Variants in ADRA1D observed in about 807,000 individuals in gnomAD.
The protein encoded by ADRA1D is adrenoceptor alpha 1D.
ADRA1D carries 22 observed loss-of-function variants against 18.6 expected under a neutral mutation model. The observed-to-expected ratio is 1.19, with a 90% CI of 0.85 to 1.69. The LOEUF (loss-of-function observed/expected upper bound fraction) is 1.69, where lower values mean the gene tolerates loss of function less well. Ranked by LOEUF, ADRA1D falls within the 40% of genes most tolerant of loss-of-function variation. The pLI is 0.00. For synonymous variants in ADRA1D, 376 were observed against 388.2 expected, an observed-to-expected ratio of 0.97 and a Z score of 0.37; for missense variants, 840 against 840.7, an observed-to-expected ratio of 1.00 and a Z score of 0.01.
Position 4,244,987 on chromosome 20 carries a change from C to T in ADRA1D, c.1111+2860G>A, listed in dbSNP as rs149809217. ...AGGATTTAGGGCCTCCTCCACCCCCCAATTCCCTACACCACATGTGAGGCG... is the reference window on the plus strand; with the variant it reads ...AGGATTTAGGGCCTCCTCCACCCCCTAATTCCCTACACCACATGTGAGGCG... On this transcript the variant is annotated intron_variant, in intron 1 of 1. Transcript: ENST00000379453. Among the ~76,000 whole-genome samples the T allele has an allele frequency of 6.6e-5, 10 of 152,244 alleles. No individual in the cohort carries two copies. The East Asian group carries it at 1.7e-3, about 27-fold the overall frequency.
At chr20:4,236,078 A>G (rs909284086) in intron 1 of ADRA1D, among the ~76,000 whole-genome samples, 5 of 152,170 alleles carry the variant, frequency 3.3e-5, no homozygotes, top group African/African-American at 9.7e-5. Context: ...AGCTGAAAAC[A>G]TGGCTTCCAA....
intron 1 of ADRA1D, among the ~76,000 whole-genome samples, chr20:4,232,437 T>C (rs927585135): frequency 2.0e-5 from 3 of 152,204 alleles, no homozygotes; most frequent in African/African-American, 7.2e-5. Flanking sequence ...GTGTGGCATT[T>C]GCTGGCCTGT....
At chr20:4,223,562 GTGA>G (rs1017314479) in intron 1 of ADRA1D, among the ~76,000 whole-genome samples, 4 of 152,174 alleles carry the variant, frequency 2.6e-5, no homozygotes, top group Admixed American at 1.3e-4. Flanking sequence ...TGCAGGTGGG[GTGA>G]TGATGGTGGT....
chr20:4,242,732 G>A (rs1162285802), intron 1 of ADRA1D, among the ~76,000 whole-genome samples: 1 of 152,132 alleles, frequency 6.6e-6, no homozygotes, highest in Non-Finnish European at 1.5e-5. Flanking sequence ...TCTCCGGGCT[G>A]CTTTGAGTGG....
At chr20:4,228,415 G>A (rs1450110817) in intron 1 of ADRA1D, among the ~76,000 whole-genome samples, 1 of 140,374 alleles carries the variant, frequency 7.1e-6, no homozygotes, top group African/African-American at 2.7e-5. Flanking sequence ...CATTAAGGAG[G>A]TAGTGCAAAG....
intron 1 of ADRA1D, among the ~76,000 whole-genome samples, chr20:4,223,953 G>A (rs1163938926): frequency 6.6e-6 from 1 of 152,198 alleles, no homozygotes; most frequent in African/African-American, 2.4e-5. Flanking sequence ...AGCTGTGTGT[G>A]CATGTAGGGT....
chr20:4,249,072 C>T lies in ADRA1D; in HGVS notation c.-115G>A. On this transcript the variant is annotated 5_prime_UTR_variant, in exon 1 of 2. Transcript: ENST00000379453. Reference sequence around the variant, plus strand: ...ATGCAGCTCCGCGCACGGGTCCCGTCGGGGTCCTGCCCAAGTTCCTGTGAC... The same window carrying T: ...ATGCAGCTCCGCGCACGGGTCCCGTTGGGGTCCTGCCCAAGTTCCTGTGAC... 6 of 838,664 alleles carry T rather than the reference C, an allele frequency of 7.2e-6. No individual in the cohort carries two copies. Among genetic ancestry groups the T allele is most frequent in the East Asian group, 1.6e-4 (2 of 12,448 alleles). 52.0% of individuals were successfully genotyped at this position (838,664 alleles called of 1,614,324 possible). A position where few individuals can be genotyped will look rare whatever the true frequency, so the allele number is the denominator to read the frequency against.
At chr20:4,230,457 C>T (rs557036418) in intron 1 of ADRA1D, among the ~76,000 whole-genome samples, 1 of 152,330 alleles carries the variant, frequency 6.6e-6, no homozygotes, top group East Asian at 1.9e-4. Flanking sequence ...TTAGCAGGTC[C>T]CCTGCACTTC....
chr20:4,238,533 G>A (rs980391829), intron 1 of ADRA1D, among the ~76,000 whole-genome samples: 1 of 152,068 alleles, frequency 6.6e-6, no homozygotes, highest in Non-Finnish European at 1.5e-5. Flanking sequence ...CCTTAGAAAG[G>A]AAAAAGGGTT....
Position 4,222,410 on chromosome 20 carries a change from A to G in ADRA1D, c.1112-280T>C, listed in dbSNP as rs542466001. The G allele has an allele frequency of 5.8e-5, 19 of 328,110 alleles. No individual in the cohort carries two copies. Among genetic ancestry groups the G allele is most frequent in the Non-Finnish European group, 9.3e-5 (17 of 182,866 alleles). 20.3% of individuals were successfully genotyped at this position (328,110 alleles called of 1,614,324 possible). ...AACCACGTGCAATTGCTGTTTTTGT[A>G]GCTCAAAACCGGTGCAATATTGGCA... On this transcript the variant is annotated intron_variant, in intron 1 of 1. Transcript: ENST00000379453. This position sits in a 1 kb window ranked among gnomAD's most constrained non-coding sequence, Gnocchi z 4.3.
chr20:4,231,915 C>A (rs1415567062), intron 1 of ADRA1D, among the ~76,000 whole-genome samples: 7 of 152,078 alleles, frequency 4.6e-5, no homozygotes, highest in Admixed American at 4.6e-4. Context: ...TTTTCTTTTT[C>A]TTTTTTCTTT....
rs1382900550 is a variant in ADRA1D, at chr20:4,221,459, G to T, written c.*64C>A. On this transcript the variant is annotated 3_prime_UTR_variant, in exon 2 of 2. Coordinates refer to ENST00000379453, the MANE Select transcript of ADRA1D (RefSeq NM_000678.4). The stretch of plus-strand genomic sequence containing the variant: ...TTGCACGGGGGCTCTTAGAACACCA[G>T]CCCGCCTCTCTGGTCCCCCTTACCC... The T allele has an allele frequency of 1.6e-5, 24 of 1,514,238 alleles. No individual in the cohort carries two copies. Among genetic ancestry groups the T allele is most frequent in the Non-Finnish European group, 2.1e-5 (24 of 1,122,766 alleles). The allele number at this position is 1,514,238 out of a possible 1,614,324, so 93.8% of individuals were successfully genotyped here.
intron 1 of ADRA1D, among the ~76,000 whole-genome samples, chr20:4,231,373 C>G (rs1008395046): frequency 6.6e-6 from 1 of 151,976 alleles, no homozygotes; most frequent in Admixed American, 6.6e-5. Context: ...CCTGCCTCAG[C>G]CTCCCAAAGT....
rs1296281228 is a variant in ADRA1D, at chr20:4,221,250, G to A, written c.*273C>T. The A allele has an allele frequency of 5.3e-6, 2 of 377,492 alleles. No individual in the cohort carries two copies. Among genetic ancestry groups the A allele is most frequent in the Non-Finnish European group, 9.5e-6 (2 of 211,626 alleles). The allele number at this position is 377,492 out of a possible 1,614,324, so 23.4% of individuals were successfully genotyped here. On this transcript the variant is annotated 3_prime_UTR_variant, in exon 2 of 2. Transcript: ENST00000379453. ...GATGGGGCAGTGTTTCTCAAATAGG[G>A]ATTGGGAGCAAAAGGCCCCACGGAG... is the stretch of plus-strand genomic sequence containing the variant.
intron 1 of ADRA1D, among the ~76,000 whole-genome samples, chr20:4,227,751 TTC>T (rs1241724714): frequency 5.2e-5 from 4 of 76,878 alleles, no homozygotes; most frequent in Non-Finnish European, 9.9e-5. Context: ...TCCTTCCTTC[TTC>T]TCTCTCTCTC....
chr20:4,244,272 C>T lies in ADRA1D; in HGVS notation c.1111+3575G>A, dbSNP rs573486568. ...CCTATGTGGGCCCATTCCTTGCTGG[C>T]ATATACATTGTTTCTCAATCTCTCC... On this transcript the variant is annotated intron_variant, in intron 1 of 1. Transcript: ENST00000379453. 6.6e-5 allele frequency among the ~76,000 whole-genome samples: 10 copies of T among 152,328 alleles called. No homozygotes were observed. In the South Asian group the frequency reaches 2.1e-3, roughly 32 times the overall value.
In ADRA1D at chr20:4,222,195, C is replaced by A; in HGVS notation, c.1112-65G>T. 1 of 1,567,042 alleles carries A rather than the reference C, an allele frequency of 6.4e-7. No individual in the cohort carries two copies. Among genetic ancestry groups the A allele is most frequent in the Non-Finnish European group, 8.6e-7 (1 of 1,156,906 alleles). Reference sequence around the variant, plus strand: ...GAGGGGGAGGCCAGGCGGCTCTGGGCGCAAAGGGGAGACCCTTCAGTAGCC... The same window carrying A: ...GAGGGGGAGGCCAGGCGGCTCTGGGAGCAAAGGGGAGACCCTTCAGTAGCC... On this transcript the variant is annotated intron_variant, in intron 1 of 1. Transcript: ENST00000379453. This position sits in a 1 kb window ranked among gnomAD's most constrained non-coding sequence, Gnocchi z 4.3.
At chr20:4,224,578 G>T (rs562655950) in intron 1 of ADRA1D, among the ~76,000 whole-genome samples, 1 of 151,844 alleles carries the variant, frequency 6.6e-6, no homozygotes, top group Non-Finnish European at 1.5e-5. Flanking sequence ...GAGGCTGCAG[G>T]TGCCTGTGAG....
intron 1 of ADRA1D, among the ~76,000 whole-genome samples, chr20:4,241,978 T>C (rs553561247): frequency 3.9e-5 from 6 of 152,340 alleles, no homozygotes; most frequent in African/African-American, 1.4e-4. Flanking sequence ...TGCATATGCA[T>C]GCACCAATGT....
Sources: gnomAD v4.1 joint callset for allele counts (sites outside exome capture counted in the v4.1 genomes callset) on GRCh38, gnomAD v4.1.1 for gene constraint, Gnocchi (gnomAD v3.1) non-coding constraint, MANE v1.5 for transcripts, NCBI Gene and HGNC (gene_info 2026-07-23, HGNC 2026-07-21) for gene names.